Variants in BMERB1 observed in about 807,000 individuals in gnomAD.
The protein encoded by BMERB1 is bMERB domain-containing protein 1.
BMERB1 carries 12 observed loss-of-function variants against 23.6 expected under a neutral mutation model. The observed-to-expected ratio is 0.51, with a 90% CI of 0.33 to 0.82. The LOEUF is 0.82. BMERB1 is among the 40% of genes least tolerant of loss of function. BMERB1 has a pLI of 0.03. For missense variants in BMERB1, 247 were observed against 255.4 expected (o/e 0.97, Z 0.22); for synonymous variants, 122 against 96.6 (o/e 1.26, Z -1.54).
chr16:15,536,806 TC>T (rs1294046490), intron 2 of BMERB1: 1 of 152,208 alleles, frequency 6.6e-6, no homozygotes, highest in Non-Finnish European at 1.5e-5. Flanking sequence ...CCCCCTCACC[TC>T]CCACGGCACA....
intron 2 of BMERB1, among the ~76,000 whole-genome samples, chr16:15,548,148 C>A (rs1281997903): frequency 2.6e-5 from 4 of 151,940 alleles, no homozygotes; most frequent in Non-Finnish European, 5.9e-5. Context: ...CCATGCCTGG[C>A]TAATTTTTGT....
chr16:15,570,621 A>G (rs1381944053), intron 3 of BMERB1, among the ~76,000 whole-genome samples: 2 of 152,330 alleles, frequency 1.3e-5, no homozygotes, highest in Non-Finnish European at 2.9e-5. Context: ...AGAGCAAGAA[A>G]GAATTTAGGG....
chr16:15,482,108 A>G (rs1318911765), intron 1 of BMERB1, among the ~76,000 whole-genome samples: 3 of 152,104 alleles, frequency 2.0e-5, no homozygotes, highest in African/African-American at 7.2e-5. Context: ...CTGGCAGGAT[A>G]GGGTCCACTG....
chr16:15,522,305 A>G (rs2051862756), intron 2 of BMERB1, among the ~76,000 whole-genome samples: 1 of 152,200 alleles, frequency 6.6e-6, no homozygotes, highest in South Asian at 2.1e-4. Context: ...CAATATTTCC[A>G]GAGCCTGGGC....
At chr16:15,584,354 C>A (rs565907145) in intron 5 of BMERB1, among the ~76,000 whole-genome samples, 2 of 151,880 alleles carry the variant, frequency 1.3e-5, no homozygotes, top group African/African-American at 2.4e-5. Context: ...GTCAGGAGAT[C>A]GACACCATCC....
intron 1 of BMERB1, among the ~76,000 whole-genome samples, chr16:15,452,854 C>T (rs1412741476): frequency 6.6e-6 from 1 of 152,092 alleles, no homozygotes; most frequent in African/African-American, 2.4e-5. Context: ...ATGCCAGTTC[C>T]CTAAGACAGC....
At chr16:15,506,100 C>T (rs1365117757) in intron 1 of BMERB1, among the ~76,000 whole-genome samples, 1 of 151,940 alleles carries the variant, frequency 6.6e-6, no homozygotes, top group African/African-American at 2.4e-5. Flanking sequence ...CCCAATTGCC[C>T]CTTAGAACTG....
At chr16:15,518,290 G>A (rs2051799510) in intron 2 of BMERB1, among the ~76,000 whole-genome samples, 1 of 152,204 alleles carries the variant, frequency 6.6e-6, no homozygotes, top group Admixed American at 6.5e-5. Context: ...TTAGGACATA[G>A]ATCAGGGATT....
chr16:15,586,703 A>G lies in BMERB1; in HGVS notation c.503-14A>G, dbSNP rs772197616. The G allele has an allele frequency of 6.3e-7, 1 of 1,594,428 alleles. No homozygotes were observed. The highest frequency in any genetic ancestry group is 1.8e-5 in the Admixed American group (1 of 56,844). On this transcript the variant is annotated splice_polypyrimidine_tract_variant and intron_variant, in intron 5 of 5. Transcript: ENST00000300006. The stretch of plus-strand genomic sequence containing the variant: ...CCTTTCTCCCCCTCTCCCTGTGCCC[A>G]CATCTTGCTGCAGGCTCCCGGGCAG...
At chr16:15,517,303 G>A (rs534446943) in intron 2 of BMERB1, among the ~76,000 whole-genome samples, 252 of 152,292 alleles carry the variant, frequency 1.7e-3, no homozygotes, top group Non-Finnish European at 2.7e-3. Context: ...GAGGCCAGGA[G>A]TTTGAGACCA....
At chr16:15,445,411 G>A (rs1822511499) in intron 1 of BMERB1, among the ~76,000 whole-genome samples, 1 of 152,214 alleles carries the variant, frequency 6.6e-6, no homozygotes, top group African/African-American at 2.4e-5. Context: ...ATAAGGGTGT[G>A]TGAGTAAGTA....
chr16:15,512,988 G>A (rs1000449006), intron 1 of BMERB1, among the ~76,000 whole-genome samples: 1 of 152,082 alleles, frequency 6.6e-6, no homozygotes, highest in South Asian at 2.1e-4. Context: ...AGACGCCCTT[G>A]TAGAACTGAG....
chr16:15,446,115 T>C (rs1315007357), intron 1 of BMERB1, among the ~76,000 whole-genome samples: 1 of 152,112 alleles, frequency 6.6e-6, no homozygotes, highest in Admixed American at 6.6e-5. Context: ...AAAAGTTAGC[T>C]GGGCATAGTG....
At chr16:15,483,198 A>G (rs565176764) in intron 1 of BMERB1, among the ~76,000 whole-genome samples, 11 of 152,152 alleles carry the variant, frequency 7.2e-5, no homozygotes, top group Middle Eastern at 3.4e-3. Flanking sequence ...TATGTTTCCA[A>G]TTTTTCCACT....
At chr16:15,545,831 G>T (rs2029894812) in intron 2 of BMERB1, among the ~76,000 whole-genome samples, 1 of 152,128 alleles carries the variant, frequency 6.6e-6, no homozygotes, top group South Asian at 2.1e-4. Flanking sequence ...CCTAAAACTA[G>T]GGTTTGGAGG....
At position 15,473,478 on chromosome 16, in the gene BMERB1, C is replaced by T. The variant is rs1431496751; in HGVS notation, c.106+38719C>T. Among the ~76,000 whole-genome samples the T allele has an allele frequency of 6.7e-5, 10 of 148,766 alleles. No homozygotes were observed. The East Asian group carries it at 1.4e-3, about 21-fold the overall frequency. ...CAGCTAATTTTTGTATTTTTAGTAG[C>T]GATGGGGTTTCATTATGTTGGCCAG... On this transcript the variant is annotated intron_variant, in intron 1 of 5. Coordinates refer to ENST00000300006, the MANE Select transcript of BMERB1 (RefSeq NM_033201.3).
intron 1 of BMERB1, among the ~76,000 whole-genome samples, chr16:15,493,975 C>G (rs993578859): frequency 6.6e-5 from 10 of 152,184 alleles, no homozygotes; most frequent in African/African-American, 2.4e-4. Context: ...TCTAACCATC[C>G]TTGCGTGACC....
intron 1 of BMERB1, among the ~76,000 whole-genome samples, chr16:15,443,134 G>A (rs191988256): frequency 3.0e-4 from 45 of 152,208 alleles, no homozygotes; most frequent in Non-Finnish European, 5.6e-4. Flanking sequence ...TGTAATCCCA[G>A]CTACTCTGGA....
chr16:15,521,284 C>T (rs2051850609), intron 2 of BMERB1, among the ~76,000 whole-genome samples: 1 of 152,164 alleles, frequency 6.6e-6, no homozygotes, highest in South Asian at 2.1e-4. Context: ...ATTTCAGAGA[C>T]CAAAATGATG....
Sources: gnomAD v4.1 joint callset for allele counts (sites outside exome capture counted in the v4.1 genomes callset) on GRCh38, gnomAD v4.1.1 for gene constraint, MANE v1.5 for transcripts, NCBI Gene and HGNC (gene_info 2026-07-23, HGNC 2026-07-21) for gene names.